Variants in FBXO36 observed in about 807,000 individuals in gnomAD.
FBXO36 encodes the protein F-box protein 36, also known as F-box only protein 36.
In FBXO36, 18 loss-of-function variants were observed where a neutral mutation model predicts 17.0. The observed-to-expected ratio is 1.06, with a 90% CI of 0.73 to 1.57. FBXO36 has a LOEUF of 1.57. Ranked by LOEUF, FBXO36 falls within the 40% of genes most tolerant of loss-of-function variation. FBXO36 has a pLI of 0.00. For missense variants in FBXO36, 229 were observed against 221.9 expected (o/e 1.03, Z -0.20); for synonymous variants, 83 against 85.3 (o/e 0.97, Z 0.15).
intron 2 of FBXO36, among the ~76,000 whole-genome samples, chr2:229,986,533 ATTT>A (rs1223670808): frequency 1.4e-5 from 2 of 140,338 alleles, no homozygotes; most frequent in Non-Finnish European, 1.6e-5. Context: ...AAACATAAAA[ATTT>A]TTTTTTTTTT....
intron 1 of FBXO36, among the ~76,000 whole-genome samples, chr2:229,948,857 G>A (rs552036245): frequency 2.6e-5 from 4 of 152,030 alleles, no homozygotes; most frequent in East Asian, 1.9e-4. Context: ...TTTTTGAGAC[G>A]AAGTCTCATT....
intron 1 of FBXO36, among the ~76,000 whole-genome samples, chr2:229,926,470 G>A (rs2076912863): frequency 6.6e-6 from 1 of 151,654 alleles, no homozygotes; most frequent in African/African-American, 2.4e-5. Flanking sequence ...ACTTGGCCAG[G>A]TGTGGTGGCT....
At position 229,941,193 on chromosome 2, in the gene FBXO36, C is replaced by A. The variant is rs566989924; in HGVS notation, c.96+18584C>A. Among the ~76,000 whole-genome samples the A allele has an allele frequency of 2.6e-5, 4 of 152,244 alleles. No individual in the cohort carries two copies. In the South Asian group the frequency reaches 6.2e-4, roughly 24 times the overall value. On this transcript the variant is annotated intron_variant, in intron 1 of 3. Coordinates refer to ENST00000283946, the MANE Select transcript of FBXO36 (RefSeq NM_174899.5). ...GGACGAAGCCGGGCACGGTGGCTCA[C>A]GCCTGTAATTCCAGCACTTTGGGAG...
At chr2:229,968,214 A>G (rs1232568354) in intron 1 of FBXO36, among the ~76,000 whole-genome samples, 5 of 151,506 alleles carry the variant, frequency 3.3e-5, no homozygotes, top group East Asian at 1.9e-4. Flanking sequence ...ATAATATTCA[A>G]TTAAAGTTAT....
chr2:229,957,116 T>C (rs187268229), intron 1 of FBXO36, among the ~76,000 whole-genome samples: 3 of 152,318 alleles, frequency 2.0e-5, no homozygotes, highest in African/African-American at 7.2e-5. Context: ...AATTTTAGAA[T>C]ATTTAATTCC....
intron 1 of FBXO36, among the ~76,000 whole-genome samples, chr2:229,935,113 T>G (rs1415114298): frequency 6.6e-6 from 1 of 152,202 alleles, no homozygotes; most frequent in African/African-American, 2.4e-5. Flanking sequence ...GATGAACATG[T>G]TTTGATGCAC....
chr2:229,936,132 G>T (rs186269580), intron 1 of FBXO36, among the ~76,000 whole-genome samples: 4 of 152,134 alleles, frequency 2.6e-5, no homozygotes, highest in African/African-American at 9.6e-5. Flanking sequence ...GCAGTGAACC[G>T]AGGTCACGCA....
At chr2:229,940,131 T>C (rs1308851661) in intron 1 of FBXO36, among the ~76,000 whole-genome samples, 1 of 152,134 alleles carries the variant, frequency 6.6e-6, no homozygotes, top group Non-Finnish European at 1.5e-5. Context: ...ACATTTTTAA[T>C]GCTTTTACAT....
At chr2:229,931,918 ATATT>A (rs2076940399) in intron 1 of FBXO36, among the ~76,000 whole-genome samples, 1 of 142,766 alleles carries the variant, frequency 7.0e-6, no homozygotes, top group Non-Finnish European at 1.5e-5. Context: ...ATATGTGTAT[ATATT>A]TTTTTTTTTT....
intron 3 of FBXO36, among the ~76,000 whole-genome samples, chr2:230,007,067 A>G (rs979799548): frequency 6.6e-6 from 1 of 152,266 alleles, no homozygotes; most frequent in Admixed American, 6.5e-5. Flanking sequence ...TGGAAAGTAG[A>G]GCTCCACACC....
chr2:229,953,074 AC>A (rs746861025), intron 1 of FBXO36, among the ~76,000 whole-genome samples: 7 of 152,216 alleles, frequency 4.6e-5, no homozygotes, highest in African/African-American at 1.2e-4. Context: ...GCGGTGGCTC[AC>A]GCCTGTAATC....
chr2:229,930,772 C>T (rs2076934800), intron 1 of FBXO36, among the ~76,000 whole-genome samples: 1 of 152,022 alleles, frequency 6.6e-6, no homozygotes, highest in African/African-American at 2.4e-5. Flanking sequence ...AAGAGAGATG[C>T]TTTACCCCTT....
intron 3 of FBXO36, among the ~76,000 whole-genome samples, chr2:229,998,865 C>T (rs1054145615): frequency 8.2e-5 from 12 of 146,276 alleles, no homozygotes; most frequent in Admixed American, 2.1e-4. Flanking sequence ...TGCAGTGGCG[C>T]GATCTCGGCT....
intron 1 of FBXO36, among the ~76,000 whole-genome samples, chr2:229,948,759 G>A (rs2077040129): frequency 6.6e-6 from 1 of 152,190 alleles, no homozygotes; most frequent in Non-Finnish European, 1.5e-5. Flanking sequence ...TTCTGAAAGT[G>A]ACGGAAAACC....
intron 1 of FBXO36, among the ~76,000 whole-genome samples, chr2:229,961,069 A>G (rs1341764837): frequency 6.6e-6 from 1 of 151,846 alleles, no homozygotes; most frequent in Non-Finnish European, 1.5e-5. Flanking sequence ...GATCACCGCC[A>G]TTGCCCTCCA....
At chr2:229,982,374 C>A (rs35392774) in intron 2 of FBXO36, among the ~76,000 whole-genome samples, 136 of 151,934 alleles carry the variant, frequency 9.0e-4, no homozygotes, top group African/African-American at 2.9e-3. Context: ...GTCTTTCTCA[C>A]GAGGCATCAC....
At chr2:229,927,663 A>G (rs978481821) in intron 1 of FBXO36, among the ~76,000 whole-genome samples, 8 of 152,042 alleles carry the variant, frequency 5.3e-5, no homozygotes, top group Admixed American at 3.9e-4. Flanking sequence ...GAAAGAAGGA[A>G]GAATTGGGCA....
chr2:229,936,680 G>A (rs1386002415), intron 1 of FBXO36, among the ~76,000 whole-genome samples: 2 of 151,974 alleles, frequency 1.3e-5, no homozygotes, highest in African/African-American at 2.4e-5. Context: ...ACTAACCTGG[G>A]CAACAAAGAG....
intron 1 of FBXO36, among the ~76,000 whole-genome samples, chr2:229,938,483 CTT>C (rs111952762): frequency 1.3e-4 from 12 of 93,958 alleles, no homozygotes; most frequent in South Asian, 3.4e-4. Context: ...ATACAACTTT[CTT>C]TTTTTTTTTT....
Sources: allele counts gnomAD v4.1 joint callset (sites outside exome capture counted in the v4.1 genomes callset), GRCh38; gene constraint gnomAD v4.1.1; transcripts MANE v1.5; gene names NCBI Gene and HGNC (gene_info 2026-07-23, HGNC 2026-07-21).